Variants in FAM186A observed in about 807,000 individuals in gnomAD.
FAM186A encodes the protein family with sequence similarity 186 member A.
In FAM186A, 163 loss-of-function variants were observed where a neutral mutation model predicts 216.8. The ratio of observed to expected loss-of-function variants is 0.75; its 90% CI spans 0.66 to 0.86. FAM186A has a LOEUF of 0.86. FAM186A is among the 40% of genes least tolerant of loss of function. The pLI is 0.00. For missense variants in FAM186A, 2,184 were observed against 2,746.2 expected, an observed-to-expected ratio of 0.80 and a Z score of 4.58; for synonymous variants, 805 against 1,025.3, an observed-to-expected ratio of 0.79 and a Z score of 4.10.
chr12:50,332,794 G>C (rs1942668551), intron 5 of FAM186A, among the ~76,000 whole-genome samples: 1 of 152,170 alleles, frequency 6.6e-6, no homozygotes, highest in Non-Finnish European at 1.5e-5. Flanking sequence ...TTGGGAGGCT[G>C]CCATGGGCGG....
chr12:50,360,200 GGCC>G (rs1943018319), intron 3 of FAM186A, among the ~76,000 whole-genome samples: 1 of 148,356 alleles, frequency 6.7e-6, no homozygotes, highest in African/African-American at 2.5e-5. Context: ...ACTGAGATCT[GGCC>G]ACTGCACTCC....
At chr12:50,376,729 CCT>C (rs1369758295) in intron 1 of FAM186A, among the ~76,000 whole-genome samples, 1 of 140,522 alleles carries the variant, frequency 7.1e-6, no homozygotes, top group African/African-American at 2.6e-5. Flanking sequence ...CCTCCTTTTA[CCT>C]CTCTCTCTCT....
chr12:50,340,696 GATGA>G (rs1217784300), intron 4 of FAM186A, among the ~76,000 whole-genome samples: 12 of 151,330 alleles, frequency 7.9e-5, no homozygotes, highest in Non-Finnish European at 1.8e-4. Context: ...AAAAAATGTT[GATGA>G]ATTAAGTGAT....
At chr12:50,362,577 C>A (rs1206392089) in intron 2 of FAM186A, among the ~76,000 whole-genome samples, 1 of 151,678 alleles carries the variant, frequency 6.6e-6, no homozygotes, top group Non-Finnish European at 1.5e-5. Context: ...AACCTTGTCT[C>A]TACTAAAAAT....
intron 4 of FAM186A, among the ~76,000 whole-genome samples, chr12:50,339,932 G>T (rs1039391898): frequency 1.2e-4 from 18 of 152,082 alleles, no homozygotes; most frequent in African/African-American, 4.3e-4. Context: ...CCGCCTCCTG[G>T]GTTCAAGCGA....
In FAM186A at chr12:50,354,979, G is replaced by T. The variant is rs959458123; in HGVS notation, c.1853C>A (p.Thr618Lys). ...KKHHISSGTI[T>K]SKEEKTEEKE... Reference sequence around the variant, plus strand: ...CTCTTCAGTTTTTTCTTCTTTGCTTGTGATAGTTCCTGAAGAGATATGGTG... The same window carrying T: ...CTCTTCAGTTTTTTCTTCTTTGCTTTTGATAGTTCCTGAAGAGATATGGTG... The change falls in exon 4 of 8, where the codon ACA (threonine) becomes AAA (lysine). Residue 618 changes from threonine to lysine, a missense_variant. By Grantham distance (78) the Thr-to-Lys change is moderately conservative. This residue lies in a region of FAM186A where 1,132 missense variants were observed against 1,263.4 expected (regional missense o/e 0.90). Coordinates refer to ENST00000327337, the MANE Select transcript of FAM186A (RefSeq NM_001145475.3). 1.9e-6 allele frequency: 3 copies of T among 1,549,920 alleles called. No homozygotes were observed. Among genetic ancestry groups the T allele is most frequent in the South Asian group, 1.2e-5 (1 of 83,598 alleles).
At chr12:50,387,467 A>G (rs528473711) in intron 1 of FAM186A, among the ~76,000 whole-genome samples, 5 of 152,278 alleles carry the variant, frequency 3.3e-5, no homozygotes, top group African/African-American at 9.6e-5. Flanking sequence ...GGCAGAAGAA[A>G]AGAGAAAGAA....
At chr12:50,372,073 A>C (rs1943146631) in intron 1 of FAM186A, among the ~76,000 whole-genome samples, 3 of 152,100 alleles carry the variant, frequency 2.0e-5, no homozygotes, top group Non-Finnish European at 4.4e-5. Flanking sequence ...TGGCCTCCCA[A>C]AGTGCTGGGA....
chr12:50,339,656 C>A lies in FAM186A; in HGVS notation c.6504-5553G>T, dbSNP rs1358231868. Among the ~76,000 whole-genome samples the A allele has an allele frequency of 2.6e-5, 4 of 151,784 alleles. No individual in the cohort carries two copies. The East Asian group carries it at 7.7e-4, about 29-fold the overall frequency. On this transcript the variant is annotated intron_variant, in intron 4 of 7. Transcript: ENST00000327337. ...CATGTGATTTAGGATTCTCTTTTAT[C>A]TTGCCTCTCTTTTATCTTTCCAGTC...
Position 50,355,502 on chromosome 12 carries a change from CT to C in FAM186A, c.1329del (p.Gly444ValfsTer33). On this transcript the variant is annotated frameshift_variant, in exon 4 of 8. Transcript: ENST00000327337. LOFTEE classifies it high-confidence loss of function. ...DSTKDNVSLKKGDFYQEDETD... is the reference protein window; with the variant it reads ...DSTKDNVSLKXGDFYQEDETD... ...GTCTCATCTTCCTGATAGAAATCAC[CT>C]TTCTTCAATGATACGTTATCTTTAG... 6.4e-7 allele frequency: 1 copy of C among 1,551,218 alleles called. No individual in the cohort carries two copies. Among genetic ancestry groups the C allele is most frequent in the African/African-American group, 1.4e-5 (1 of 73,112 alleles).
At position 50,354,516 on chromosome 12, in the gene FAM186A, T is replaced by C. The variant is rs1489270472; in HGVS notation, c.2316A>G (p.Lys772=). The change falls in exon 4 of 8, where the codon AAA becomes AAG. Residue 772 remains lysine, a synonymous_variant. Transcript: ENST00000327337. The part of the protein sequence containing the change: ...LHFQKSPISA[K]SESSTLLSYE... ...ATGAGAGGAGGGTACTGCTTTCAGA[T>C]TTTGCACTAATTGGTGACTTCTGAA... 21 of 1,551,534 alleles carry C rather than the reference T, an allele frequency of 1.4e-5. No individual in the cohort carries two copies. In the South Asian group the frequency reaches 2.5e-4, roughly 18 times the overall value.
rs555520281 is a variant in FAM186A, at chr12:50,355,742, T to C, written c.1090A>G (p.Ile364Val). 2.6e-6 allele frequency: 4 copies of C among 1,551,658 alleles called. No homozygotes were observed. In the East Asian group the frequency reaches 9.8e-5, roughly 38 times the overall value. ...PGPSPQSSRAIIKVGDTEDNM... is the reference protein window; with the variant it reads ...PGPSPQSSRAVIKVGDTEDNM... Reference sequence around the variant, plus strand: ...TCCTCAGTATCACCAACTTTGATTATCGCCCTGGATGACTGTGGAGAAGGT... The same window carrying C: ...TCCTCAGTATCACCAACTTTGATTACCGCCCTGGATGACTGTGGAGAAGGT... The change falls in exon 4 of 8, where the codon ATA (isoleucine) becomes GTA (valine). Residue 364 changes from isoleucine (I) to valine (V), a missense_variant. By Grantham distance (29) the Ile-to-Val change is conservative. This residue lies in a region of FAM186A where 1,132 missense variants were observed against 1,263.4 expected (regional missense o/e 0.90). Transcript: ENST00000327337.
At position 50,351,397 on chromosome 12, in the gene FAM186A, T is replaced by C; in HGVS notation, c.5435A>G (p.Gln1812Arg). The change falls in exon 4 of 8, where the codon CAG becomes CGG. Residue 1812 changes from glutamine to arginine, a missense_variant. Transcript: ENST00000327337. ...LVYGGQSTSA[Q>R]FPAPQAPPSP... ...GGGAGGGGCCTGTGGTGCCGGGAAC[T>C]GCGCAGAAGTGGATTGACCTCCGTA... The C allele has an allele frequency of 1.4e-6, 2 of 1,467,892 alleles. No individual in the cohort carries two copies. The highest frequency in any genetic ancestry group is 1.8e-6 in the Non-Finnish European group (2 of 1,110,772). 90.9% of individuals were successfully genotyped at this position (1,467,892 alleles called of 1,614,324 possible).
intron 1 of FAM186A, among the ~76,000 whole-genome samples, chr12:50,370,123 CAAAAAAAA>C (rs56403101): frequency 1.0e-4 from 4 of 38,442 alleles, no homozygotes; most frequent in South Asian, 2.5e-3. Context: ...GACTCCATCT[CAAAAAAAA>C]AAAAAAAAAA....
In FAM186A at chr12:50,355,075, A is replaced by G. The variant is rs758946136; in HGVS notation, c.1757T>C (p.Val586Ala). The G allele has an allele frequency of 2.1e-5, 33 of 1,551,540 alleles. 1 individual carries two copies. In the South Asian group the frequency reaches 3.9e-4, roughly 18 times the overall value. The stretch of plus-strand genomic sequence containing the variant: ...AAATTGGATCATACTGAGTGGCTCC[A>G]CTAGGCTTCTAATTTCACCTTTGCC... Reference protein sequence around the residue: ...KEGKGEIRSLVEPLSMIQFDD... With the variant: ...KEGKGEIRSLAEPLSMIQFDD... The change falls in exon 4 of 8, where the codon GTG (valine) becomes GCG (alanine). Residue 586 changes from valine to alanine, a missense_variant. By Grantham distance (64) the Val-to-Ala change is moderately conservative (BLOSUM62 0). Around this residue, in one of 7 missense-constraint regions of FAM186A, gnomAD observed 1,132 missense variants for 1,263.4 expected, o/e 0.90. Coordinates refer to ENST00000327337, the MANE Select transcript of FAM186A (RefSeq NM_001145475.3).
intron 4 of FAM186A, among the ~76,000 whole-genome samples, chr12:50,348,038 ATTTTTTT>A (rs71083540): frequency 4.9e-5 from 4 of 81,340 alleles, no homozygotes; most frequent in Middle Eastern, 9.4e-3. Context: ...ATGCCTGGTA[ATTTTTTT>A]TTTTTTTTTT....
chr12:50,380,242 G>A (rs1026287156), intron 1 of FAM186A, among the ~76,000 whole-genome samples: 1 of 152,150 alleles, frequency 6.6e-6, no homozygotes, highest in Non-Finnish European at 1.5e-5. Flanking sequence ...AGTGGACAAT[G>A]TAAGGTTAAA....
In FAM186A at chr12:50,334,044, C is replaced by T; in HGVS notation, c.6563G>A (p.Arg2188Lys). The T allele has an allele frequency of 6.4e-7, 1 of 1,551,628 alleles. No homozygotes were observed. Among genetic ancestry groups the T allele is most frequent in the South Asian group, 1.2e-5 (1 of 84,032 alleles). The change falls in exon 5 of 8, where the codon AGG (arginine) becomes AAG (lysine). Residue 2188 changes from arginine to lysine, a missense_variant. Around this residue, in one of 7 missense-constraint regions of FAM186A, gnomAD observed 721 missense variants for 816.4 expected, o/e 0.88. Coordinates refer to ENST00000327337, the MANE Select transcript of FAM186A (RefSeq NM_001145475.3). The stretch of plus-strand genomic sequence containing the variant: ...TCTGCTCAGCATCATGTGGAGGTTC[C>T]TGGCCTCATAGCCTTTCCCAGTATT... ...IQNTGKGYEARNLHMMLSRLD... is the reference protein window; with the variant it reads ...IQNTGKGYEAKNLHMMLSRLD...
At chr12:50,393,655 T>C (rs1341998826) in intron 1 of FAM186A, among the ~76,000 whole-genome samples, 7 of 152,024 alleles carry the variant, frequency 4.6e-5, no homozygotes, top group Non-Finnish European at 1.0e-4. Context: ...AAGACCAGCC[T>C]GGGCAACATG....
Sources: allele counts gnomAD v4.1 joint callset (sites outside exome capture counted in the v4.1 genomes callset), GRCh38; gene constraint gnomAD v4.1.1; regional missense constraint gnomAD v4.1.1; transcripts MANE v1.5; gene names NCBI Gene and HGNC (gene_info 2026-07-23, HGNC 2026-07-21).